ABCB11: variants seen among roughly 807,000 people sequenced by gnomAD.
The protein encoded by ABCB11 is ATP binding cassette subfamily B member 11, also known as bile salt export pump.
ABCB11 carries 95 observed loss-of-function variants against 148.0 expected under a neutral mutation model. The observed-to-expected ratio is 0.64, with a 90% confidence interval of 0.54 to 0.76. The LOEUF (loss-of-function observed/expected upper bound fraction) is 0.76, where lower values mean the gene tolerates loss of function less well. Ranked by LOEUF, ABCB11 falls within the 30% of genes least tolerant of loss-of-function variation. ABCB11 has a pLI of 0.00. For synonymous variants in ABCB11, 591 were observed against 555.4 expected (o/e 1.06, Z -0.90); for missense variants, 1,523 against 1,617.8 (o/e 0.94, Z 1.01).
At position 168,999,802 on chromosome 2, in the gene ABCB11, T is replaced by C. The variant is rs111236470; in HGVS notation, c.390-3080A>G. ...ATCAACATTTGTGTATAGGTTTTTA[T>C]GTGAGCATAAGTTTTCATTTCTCTG... On this transcript the variant is annotated intron_variant, in intron 5 of 27. Transcript: ENST00000650372. Among the ~76,000 whole-genome samples, 194 of 152,288 alleles carry C rather than the reference T, an allele frequency of 1.3e-3. 3 individuals are homozygous for C. Among genetic ancestry groups the C allele is most frequent in the African/African-American group, 4.4e-3 (183 of 41,578 alleles).
intron 1 of ABCB11, among the ~76,000 whole-genome samples, chr2:169,028,725 C>T (rs963373145): frequency 6.6e-6 from 1 of 152,004 alleles, no homozygotes; most frequent in African/African-American, 2.4e-5. Flanking sequence ...AAAAAAGTTA[C>T]CCTGATAAGG....
intron 19 of ABCB11, among the ~76,000 whole-genome samples, chr2:168,949,363 ACT>A (rs1692462950): frequency 6.6e-6 from 1 of 151,006 alleles, no homozygotes; most frequent in African/African-American, 2.4e-5. Context: ...CATCCTCCCA[ACT>A]TTTGGAGTCT....
chr2:168,999,202 C>T (rs929058537), intron 5 of ABCB11, among the ~76,000 whole-genome samples: 6 of 151,490 alleles, frequency 4.0e-5, no homozygotes, highest in South Asian at 2.1e-4. Flanking sequence ...GATAAAGAGA[C>T]GTTTTACAAA....
Position 168,935,327 on chromosome 2 carries a change from G to A in ABCB11, c.2913C>T (p.Phe971=). The change falls in exon 23 of 28, where the codon TTC becomes TTT. Residue 971 remains phenylalanine, a synonymous_variant. Transcript: ENST00000650372. ...TATTGGCTTTCTGAATGGCTGTCTT[G>A]AAGGGCTTCTCCAGCTCAGTCTCAA... ...EALETELEKP[F]KTAIQKANIY... 6.2e-7 allele frequency: 1 copy of A among 1,614,014 alleles called. No homozygotes were observed. The highest frequency in any genetic ancestry group is 8.5e-7 in the Non-Finnish European group (1 of 1,179,892).
intron 5 of ABCB11, among the ~76,000 whole-genome samples, chr2:169,005,852 T>G (rs554285259): frequency 6.6e-6 from 1 of 152,318 alleles, no homozygotes; most frequent in African/African-American, 2.4e-5. Context: ...TAAAAAATAT[T>G]TTTAAAGACA....
chr2:168,995,286 T>A, intron 7 of ABCB11, 63 bp downstream of exon 7: 2 of 1,515,378 alleles, frequency 1.3e-6, no homozygotes, highest in South Asian at 2.6e-5. Flanking sequence ...TTATTTAATT[T>A]AGAAACAAGG....
At chr2:169,023,040 C>G (rs911915785) in intron 1 of ABCB11, among the ~76,000 whole-genome samples, 2 of 151,924 alleles carry the variant, frequency 1.3e-5, no homozygotes, top group Non-Finnish European at 2.9e-5. Context: ...GAAATATTGG[C>G]AAAGATGAAA....
intron 8 of ABCB11, among the ~76,000 whole-genome samples, chr2:168,993,419 G>A (rs1360034213): frequency 6.6e-6 from 1 of 151,996 alleles, no homozygotes; most frequent in African/African-American, 2.4e-5. Flanking sequence ...TTATAAGATT[G>A]TTGTAAAGAT....
chr2:168,958,023 C>A lies in ABCB11; in HGVS notation c.2284G>T (p.Ala762Ser). 4.3e-6 allele frequency: 7 copies of A among 1,610,930 alleles called. No individual in the cohort carries two copies. Among genetic ancestry groups the A allele is most frequent in the Non-Finnish European group, 5.1e-6 (6 of 1,178,034 alleles). ...GGTGTGACTGTCCCGTTCACAGCTGCACCCACAGACCCTACCAGCATGTAG... is the reference window on the plus strand; with the variant it reads ...GGTGTGACTGTCCCGTTCACAGCTGAACCCACAGACCCTACCAGCATGTAG... ...WPYMLVGSVG[A>S]AVNGTVTPLY... The change falls in exon 19 of 28, where the codon GCA becomes TCA. Residue 762 changes from alanine (A) to serine (S), a missense_variant. Coordinates refer to ENST00000650372, the MANE Select transcript of ABCB11 (RefSeq NM_003742.4).
chr2:168,932,250 C>T, intron 24 of ABCB11, 127 bp downstream of exon 24: 2 of 761,296 alleles, frequency 2.6e-6, no homozygotes, highest in Admixed American at 2.5e-5. Flanking sequence ...TGAGTGAGAA[C>T]ATGTGGTGTT....
intron 1 of ABCB11, among the ~76,000 whole-genome samples, chr2:169,020,240 TAATTA>T (rs1216880918): frequency 6.6e-6 from 1 of 152,162 alleles, no homozygotes; most frequent in Non-Finnish European, 1.5e-5. Flanking sequence ...TATACAACTA[TAATTA>T]AATATATGTT....
At position 168,927,184 on chromosome 2, in the gene ABCB11, A is replaced by C; in HGVS notation, c.3590T>G (p.Leu1197Arg). Reference protein sequence around the residue: ...RVIAAAKQAQLHDFVMSLPEK... With the variant: ...RVIAAAKQAQRHDFVMSLPEK... ...TGGGAGTGACATGACAAAATCATGC[A>C]GCTGAGCCTGTTTTGCAGCTGCTAT... The change falls in exon 26 of 28, where the codon CTG becomes CGG. Residue 1197 changes from leucine to arginine, a missense_variant. Physicochemically the swap from Leu to Arg is moderately radical, Grantham distance 102. Coordinates refer to ENST00000650372, the MANE Select transcript of ABCB11 (RefSeq NM_003742.4). The C allele has an allele frequency of 6.2e-7, 1 of 1,613,878 alleles. No homozygotes were observed. The highest frequency in any genetic ancestry group is 8.5e-7 in the Non-Finnish European group (1 of 1,179,800).
chr2:168,968,346 A>G (rs1574445005), intron 17 of ABCB11, 81 bp downstream of exon 17: 1 of 1,312,412 alleles, frequency 7.6e-7, no homozygotes, highest in East Asian at 2.5e-5. Flanking sequence ...TGTACCTGAG[A>G]TATTCTCTGA....
intron 1 of ABCB11, 41 bp from the exon 2 acceptor site, chr2:169,018,193 T>G: frequency 6.5e-7 from 1 of 1,533,458 alleles, no homozygotes; most frequent in Non-Finnish European, 9.0e-7. Context: ...TTATTATCTC[T>G]TCTTTCTTCT....
At chr2:169,006,241 A>C (rs2106033257) in intron 5 of ABCB11, among the ~76,000 whole-genome samples, 1 of 152,350 alleles carries the variant, frequency 6.6e-6, no homozygotes, top group East Asian at 1.9e-4. Context: ...GTAATTGAAC[A>C]TATGAATATA....
At chr2:168,998,050 C>G (rs916531903) in intron 5 of ABCB11, among the ~76,000 whole-genome samples, 6 of 151,902 alleles carry the variant, frequency 3.9e-5, no homozygotes, top group African/African-American at 1.5e-4. Context: ...TAAGAAGAAC[C>G]CTGAGATGAA....
At chr2:169,005,436 G>C (rs1390384073) in intron 5 of ABCB11, among the ~76,000 whole-genome samples, 1 of 152,098 alleles carries the variant, frequency 6.6e-6, no homozygotes, top group Non-Finnish European at 1.5e-5. Flanking sequence ...GGAGGATTAT[G>C]GCTGCCTCTG....
intron 15 of ABCB11, 29 bp from the exon 16 acceptor site, chr2:168,969,580 C>T: frequency 1.3e-6 from 2 of 1,584,572 alleles, no homozygotes; most frequent in Non-Finnish European, 1.7e-6. Flanking sequence ...CACCATTAAA[C>T]AAAACTGTGA....
At chr2:168,938,794 T>C (rs934657563) in intron 21 of ABCB11, among the ~76,000 whole-genome samples, 5 of 152,076 alleles carry the variant, frequency 3.3e-5, no homozygotes, top group Admixed American at 1.3e-4. Context: ...GGGATGTCGT[T>C]ATTTTGTTTC....
Sources: gnomAD v4.1 joint callset for allele counts (sites outside exome capture counted in the v4.1 genomes callset) on GRCh38, gnomAD v4.1.1 for gene constraint, MANE v1.5 for transcripts, NCBI Gene and HGNC (gene_info 2026-07-23, HGNC 2026-07-21) for gene names.